DYNC2H1: variants seen among roughly 807,000 people sequenced by gnomAD.
DYNC2H1 encodes cytoplasmic dynein 2 heavy chain 1.
In DYNC2H1, 410 loss-of-function variants were observed where a neutral mutation model predicts 570.0. The ratio of observed to expected loss-of-function variants is 0.72; its 90% CI spans 0.66 to 0.78. The LOEUF (loss-of-function observed/expected upper bound fraction) is 0.78, where lower values mean the gene tolerates loss of function less well. Ranked by LOEUF, DYNC2H1 falls within the 30% of genes least tolerant of loss-of-function variation. The pLI, the probability that DYNC2H1 is intolerant of heterozygous loss-of-function variation, is 0.00. For synonymous variants in DYNC2H1, 1,688 were observed against 1,677.6 expected, an observed-to-expected ratio of 1.01 and a Z score of -0.15; for missense variants, 4,865 against 5,046.4, an observed-to-expected ratio of 0.96 and a Z score of 1.09.
chr11:103,445,885 C>T (rs1421580829), intron 85 of DYNC2H1, among the ~76,000 whole-genome samples: 2 of 152,114 alleles, frequency 1.3e-5, no homozygotes, highest in South Asian at 2.1e-4. Flanking sequence ...ATCTCCTGAC[C>T]TCGTGATCCG....
intron 45 of DYNC2H1, among the ~76,000 whole-genome samples, chr11:103,190,507 T>C (rs1862254828): frequency 6.6e-6 from 1 of 152,076 alleles, no homozygotes; most frequent in South Asian, 2.1e-4. Flanking sequence ...GGAGGTGAAG[T>C]TTGATCTGAG....
chr11:103,440,606 A>G (rs1425772182), intron 85 of DYNC2H1, among the ~76,000 whole-genome samples: 1 of 152,210 alleles, frequency 6.6e-6, no homozygotes, highest in Non-Finnish European at 1.5e-5. Context: ...ACTTAGCATG[A>G]CATATAGACT....
chr11:103,450,115 A>G (rs2135790880), intron 85 of DYNC2H1, among the ~76,000 whole-genome samples: 1 of 152,342 alleles, frequency 6.6e-6, no homozygotes, highest in Middle Eastern at 3.4e-3. Context: ...GATAACAAAG[A>G]TTATTTTATA....
At chr11:103,342,981 G>A (rs1013310112) in intron 82 of DYNC2H1, among the ~76,000 whole-genome samples, 1 of 152,054 alleles carries the variant, frequency 6.6e-6, no homozygotes, top group Non-Finnish European at 1.5e-5. Context: ...GAATTTGGGG[G>A]CTAAACACTG....
chr11:103,136,051 C>A, intron 17 of DYNC2H1, 103 bp downstream of exon 17: 13 of 960,364 alleles, frequency 1.4e-5, no homozygotes, highest in Non-Finnish European at 1.7e-5. Flanking sequence ...TGTGGCATAA[C>A]ATTAAAATAT....
intron 82 of DYNC2H1, among the ~76,000 whole-genome samples, chr11:103,344,941 C>T (rs1369316332): frequency 1.3e-5 from 2 of 152,166 alleles, no homozygotes; most frequent in African/African-American, 4.8e-5. Context: ...GTCTCCCTCC[C>T]GTTCTGCTGA....
At chr11:103,276,214 C>T (rs566149996) in intron 70 of DYNC2H1, among the ~76,000 whole-genome samples, 2 of 149,558 alleles carry the variant, frequency 1.3e-5, no homozygotes, top group African/African-American at 5.1e-5. Flanking sequence ...TGCACATCCC[C>T]AATATATACT....
intron 6 of DYNC2H1, among the ~76,000 whole-genome samples, chr11:103,118,192 G>A (rs539192003): frequency 6.6e-6 from 1 of 152,062 alleles, no homozygotes; most frequent in Non-Finnish European, 1.5e-5. Context: ...GTGGTATTCA[G>A]TGGAAATATT....
intron 82 of DYNC2H1, among the ~76,000 whole-genome samples, chr11:103,343,533 C>T (rs548066355): frequency 2.0e-5 from 3 of 152,166 alleles, no homozygotes; most frequent in Admixed American, 6.5e-5. Flanking sequence ...TTTTAGGATC[C>T]CCCCTCAGGC....
intron 87 of DYNC2H1, among the ~76,000 whole-genome samples, chr11:103,459,341 C>G (rs1211085832): frequency 6.8e-6 from 1 of 147,260 alleles, no homozygotes; most frequent in African/African-American, 2.5e-5. Flanking sequence ...AAAGGAAATT[C>G]CATTCATATA....
At position 103,187,574 on chromosome 11, in the gene DYNC2H1, A is replaced by T; in HGVS notation, c.7128A>T (p.Ala2376=). The change falls in exon 43 of 89, where the codon GCA becomes GCT. Residue 2376 remains alanine (A), a synonymous_variant. Transcript: ENST00000375735. The part of the protein sequence containing the change: ...LDKWGTSTLV[A]FLQQVLTYQG... ...AATGGGGGACCAGTACTTTGGTAGC[A>T]TTCCTACAACAGGTAAGTCATATTG... 1 of 1,612,906 alleles carries T rather than the reference A, an allele frequency of 6.2e-7. No individual in the cohort carries two copies. Among genetic ancestry groups the T allele is most frequent in the Non-Finnish European group, 8.5e-7 (1 of 1,179,274 alleles).
intron 1 of DYNC2H1, among the ~76,000 whole-genome samples, chr11:103,111,530 C>T (rs1858111811): frequency 6.6e-6 from 1 of 152,146 alleles, no homozygotes; most frequent in African/African-American, 2.4e-5. Context: ...AGACTCACTC[C>T]AGTGGCTTAG....
At chr11:103,386,506 T>A (rs1941880620) in intron 83 of DYNC2H1, among the ~76,000 whole-genome samples, 2 of 152,000 alleles carry the variant, frequency 1.3e-5, no homozygotes, top group Admixed American at 6.6e-5. Flanking sequence ...TTCTTTTTTT[T>A]ATTATTATTA....
intron 69 of DYNC2H1, among the ~76,000 whole-genome samples, chr11:103,259,085 T>C: frequency 6.6e-6 from 1 of 152,218 alleles, no homozygotes; most frequent in East Asian, 1.9e-4. Context: ...CCTGGATGTA[T>C]TTTTCTAAGC....
chr11:103,161,042 G>C lies in DYNC2H1; in HGVS notation c.4489G>C (p.Glu1497Gln). 3 of 1,410,348 alleles carry C rather than the reference G, an allele frequency of 2.1e-6. No individual in the cohort carries two copies. The highest frequency in any genetic ancestry group is 2.9e-6 in the Non-Finnish European group (3 of 1,050,352). 87.4% of individuals were successfully genotyped at this position (1,410,348 alleles called of 1,614,324 possible). The change falls in exon 29 of 89, where the codon GAG becomes CAG. Residue 1497 changes from glutamate (E) to glutamine (Q), a missense_variant and splice_region_variant. Glu to Gln is a conservative substitution (Grantham distance 29). Around this residue, in one of 5 missense-constraint regions of DYNC2H1, gnomAD observed 1,936 missense variants for 1,962.1 expected, o/e 0.99. Transcript: ENST00000375735. ...TAAAGTTCCTCTATCAAATAATGTA[G>C]AGGTAAGCAATTCTTTTTCAAATAT... ...KNKVPLSNNVETWLNDLALEM... is the reference protein window; with the variant it reads ...KNKVPLSNNVQTWLNDLALEM...
intron 84 of DYNC2H1, among the ~76,000 whole-genome samples, chr11:103,418,692 A>G (rs576706791): frequency 6.6e-6 from 1 of 152,314 alleles, no homozygotes; most frequent in African/African-American, 2.4e-5. Context: ...GAGAACAAAG[A>G]AAAGCAGTGT....
At chr11:103,258,778 G>A (rs983201755) in intron 69 of DYNC2H1, among the ~76,000 whole-genome samples, 3 of 152,204 alleles carry the variant, frequency 2.0e-5, no homozygotes, top group African/African-American at 4.8e-5. Context: ...ACTGGCTGAA[G>A]CAGTCACAAA....
chr11:103,419,205 C>T (rs563241727), intron 84 of DYNC2H1, among the ~76,000 whole-genome samples: 1 of 152,288 alleles, frequency 6.6e-6, no homozygotes, highest in African/African-American at 2.4e-5. Context: ...CCATTCCAGC[C>T]TGCTGGCTTG....
rs1461463047 is a variant in DYNC2H1, at chr11:103,129,754, T to C, written c.1953+749T>C. On this transcript the variant is annotated intron_variant, in intron 13 of 88. Transcript: ENST00000375735. This position sits in a 1 kb window ranked among gnomAD's most constrained non-coding sequence, Gnocchi z 4.1. Reference sequence around the variant, plus strand: ...ATAGCGTTTAAACTGAATGTTACTATGTGACTACTAACTTTTTGAAGTCTG... The same window carrying C: ...ATAGCGTTTAAACTGAATGTTACTACGTGACTACTAACTTTTTGAAGTCTG... Among the ~76,000 whole-genome samples the C allele has an allele frequency of 6.6e-6, 1 of 152,194 alleles. No individual in the cohort carries two copies. The highest frequency in any genetic ancestry group is 1.5e-5 in the Non-Finnish European group (1 of 68,008).
Sources: gnomAD v4.1 joint callset for allele counts (sites outside exome capture counted in the v4.1 genomes callset) on GRCh38, gnomAD v4.1.1 for gene constraint, gnomAD v4.1.1 regional missense constraint, Gnocchi (gnomAD v3.1) non-coding constraint, MANE v1.5 for transcripts, NCBI Gene and HGNC (gene_info 2026-07-23, HGNC 2026-07-21) for gene names.